MGME1: variants seen among roughly 807,000 people sequenced by gnomAD.
MGME1 encodes chromosome 20 open reading frame 72.
MGME1 carries 22 observed loss-of-function variants against 33.0 expected under a neutral mutation model. That is an observed-to-expected ratio of 0.67 (90% CI 0.48 to 0.95). MGME1 has a LOEUF of 0.95. Ranked by LOEUF, MGME1 falls within the 40% of genes least tolerant of loss-of-function variation. The probability of loss-of-function intolerance (pLI) is 0.00; values close to 1 mark genes in which losing one functional copy is unlikely to be tolerated. For synonymous variants in MGME1, 133 were observed against 144.0 expected, an observed-to-expected ratio of 0.92 and a Z score of 0.55; for missense variants, 383 against 397.8, an observed-to-expected ratio of 0.96 and a Z score of 0.32.
At position 17,975,713 on chromosome 20, in the gene MGME1, G is replaced by C. The variant is rs756234546; in HGVS notation, c.541G>C (p.Glu181Gln). The C allele has an allele frequency of 1.2e-6, 2 of 1,613,620 alleles. No individual in the cohort carries two copies. Among genetic ancestry groups the C allele is most frequent in the African/African-American group, 2.7e-5 (2 of 74,840 alleles). ...CTTTTTACAAGGGAAACGGTTCCAC[G>C]AAGCCTTGGAAAGCATACTTTCACC... is the stretch of plus-strand genomic sequence containing the variant. ...NVFLQGKRFH[E>Q]ALESILSPQE... The change falls in exon 3 of 5, where the codon GAA becomes CAA. Residue 181 changes from glutamate (E) to glutamine (Q), a missense_variant. Coordinates refer to ENST00000377710, the MANE Select transcript of MGME1 (RefSeq NM_052865.4).
chr20:17,989,067 C>G (rs1405034949), intron 4 of MGME1, among the ~76,000 whole-genome samples: 1 of 151,638 alleles, frequency 6.6e-6, no homozygotes, highest in Admixed American at 6.6e-5. Context: ...CTAGCCTGGC[C>G]GACAGAGCAA....
Position 17,990,146 on chromosome 20 carries a change from T to C in MGME1, c.*37T>C. ...CTATTTGGGAACATTCAGCACCTTCTCACAGTTTGGGAACATATATTGCTG... is the reference window on the plus strand; with the variant it reads ...CTATTTGGGAACATTCAGCACCTTCCCACAGTTTGGGAACATATATTGCTG... On this transcript the variant is annotated 3_prime_UTR_variant, in exon 5 of 5. Coordinates refer to ENST00000377710, the MANE Select transcript of MGME1 (RefSeq NM_052865.4). 1 of 1,593,692 alleles carries C rather than the reference T, an allele frequency of 6.3e-7. No individual in the cohort carries two copies. The highest frequency in any genetic ancestry group is 2.2e-5 in the East Asian group (1 of 44,766).
intron 3 of MGME1, among the ~76,000 whole-genome samples, chr20:17,978,198 T>C (rs2035916604): frequency 6.6e-6 from 1 of 152,134 alleles, no homozygotes; most frequent in Non-Finnish European, 1.5e-5. Context: ...ACCTAATGGT[T>C]TTATTTTTTA....
chr20:17,983,867 TG>T (rs2036092937), intron 3 of MGME1, among the ~76,000 whole-genome samples: 2 of 152,338 alleles, frequency 1.3e-5, no homozygotes, highest in South Asian at 4.1e-4. Flanking sequence ...ATAGGTGGTT[TG>T]CAAATATTTT....
intron 3 of MGME1, among the ~76,000 whole-genome samples, chr20:17,979,339 A>G (rs911412520): frequency 6.6e-6 from 1 of 152,092 alleles, no homozygotes; most frequent in African/African-American, 2.4e-5. Context: ...TCCGTCTCCC[A>G]AAGTGCTGGG....
At chr20:17,984,279 A>G (rs1336040430) in intron 3 of MGME1, among the ~76,000 whole-genome samples, 2 of 152,100 alleles carry the variant, frequency 1.3e-5, no homozygotes, top group South Asian at 2.1e-4. Flanking sequence ...CTTTTATGCT[A>G]TTATCATGCT....
chr20:17,977,309 G>A (rs1372186446), intron 3 of MGME1, among the ~76,000 whole-genome samples: 25 of 151,724 alleles, frequency 1.6e-4, no homozygotes, highest in Non-Finnish European at 2.9e-5. Flanking sequence ...CCGGGAGGCA[G>A]AAGTTGCAGT....
In MGME1 at chr20:17,990,422, G is replaced by GGC; in HGVS notation, c.*315_*316dup. Reference sequence around the variant, plus strand: ...CCTTGAGGGACATTGGGGGGGGGGGGGCGTGGTCCCAGGCAGGATGCCCAG... The same window carrying GGC: ...CCTTGAGGGACATTGGGGGGGGGGGGGCGCGTGGTCCCAGGCAGGATGCCCAG... On this transcript the variant is annotated 3_prime_UTR_variant, in exon 5 of 5. Coordinates refer to ENST00000377710, the MANE Select transcript of MGME1 (RefSeq NM_052865.4). 3.3e-6 allele frequency: 1 copy of GGC among 302,112 alleles called. No homozygotes were observed. The highest frequency in any genetic ancestry group is 3.7e-5 in the South Asian group (1 of 26,752). The allele number at this position is 302,112 out of a possible 1,614,324, so 18.7% of individuals were successfully genotyped here.
chr20:17,977,253 A>G (rs1023657390), intron 3 of MGME1, among the ~76,000 whole-genome samples: 2 of 151,888 alleles, frequency 1.3e-5, no homozygotes, highest in African/African-American at 4.8e-5. Flanking sequence ...GTGTGTGCCT[A>G]TAGTCCCAGC....
rs554734739 is a variant in MGME1 at position 17,975,761 on chromosome 20, G to A, written c.589G>A (p.Asp197Asn). The change falls in exon 3 of 5, where the codon GAT becomes AAT. Residue 197 changes from aspartate to asparagine, a missense_variant. Transcript: ENST00000377710. ...ACCCCAGGAAACCTTAAAAGAGAGA[G>A]ATGAAAATCTCCTCAAGTCTGGTTA... ...LSPQETLKER[D>N]ENLLKSGYIE... 3.1e-6 allele frequency: 5 copies of A among 1,614,094 alleles called. No individual in the cohort carries two copies. In the East Asian group the frequency reaches 6.7e-5, roughly 22 times the overall value.
intron 3 of MGME1, among the ~76,000 whole-genome samples, chr20:17,985,778 C>T (rs2036140207): frequency 6.6e-6 from 1 of 152,232 alleles, no homozygotes; most frequent in Non-Finnish European, 1.5e-5. Context: ...CAGTAACATG[C>T]TGTACAGGTT....
Position 17,969,969 on chromosome 20 carries a change from G to C in MGME1, c.110G>C (p.Arg37Pro). ...TCTACTTCCTCTTACTCATGTGGCC[G>C]GAAGAAAAAAGTGAACCCATATGAA... is the stretch of plus-strand genomic sequence containing the variant. Reference protein sequence around the residue: ...AFSTSSYSCGRKKKVNPYEEV... With the variant: ...AFSTSSYSCGPKKKVNPYEEV... Residue 37 changes from arginine to proline, a missense_variant, in exon 2 of 5, where the codon CGG becomes CCG. Arg to Pro is a moderately radical substitution (Grantham distance 103). Transcript: ENST00000377710. The C allele has an allele frequency of 6.2e-7, 1 of 1,614,060 alleles. No homozygotes were observed. Among genetic ancestry groups the C allele is most frequent in the Non-Finnish European group, 8.5e-7 (1 of 1,180,004 alleles).
At chr20:17,980,013 G>A (rs960823570) in intron 3 of MGME1, among the ~76,000 whole-genome samples, 4 of 152,010 alleles carry the variant, frequency 2.6e-5, no homozygotes, top group Non-Finnish European at 1.5e-5. Flanking sequence ...TTACAAACGT[G>A]AGCCCCTATG....
In MGME1 at chr20:17,981,675, G is replaced by C. The variant is rs73599783; in HGVS notation, c.731+5772G>C. Among the ~76,000 whole-genome samples the C allele has an allele frequency of 8.5e-3, 1,275 of 150,692 alleles. 35 individuals carry two copies. The East Asian group carries it at 0.1, about 12-fold the overall frequency. ...TGTGTGTGTGTGTGTGTGTGTGTGT[G>C]TGTGTGTGTGTCAGAGTCTCGCTCT... On this transcript the variant is annotated intron_variant, in intron 3 of 4. Coordinates refer to ENST00000377710, the MANE Select transcript of MGME1 (RefSeq NM_052865.4).
chr20:17,985,439 G>A (rs1233522019), intron 3 of MGME1, among the ~76,000 whole-genome samples: 1 of 151,988 alleles, frequency 6.6e-6, no homozygotes, highest in Non-Finnish European at 1.5e-5. Context: ...AATTAAAGAA[G>A]TTTATACAGT....
At position 17,969,824 on chromosome 20, in the gene MGME1, A is replaced by C; in HGVS notation, c.-36A>C. 1 of 1,559,320 alleles carries C rather than the reference A, an allele frequency of 6.4e-7. No individual in the cohort carries two copies. Among genetic ancestry groups the C allele is most frequent in the Non-Finnish European group, 8.6e-7 (1 of 1,157,954 alleles). On this transcript the variant is annotated 5_prime_UTR_variant, in exon 2 of 5. Transcript: ENST00000377710. ...AGGAATACAAACATAAAGGCCTTCG[A>C]CCGTTGCAAATAGACTAAAGTGAAA...
At chr20:17,987,344 T>C (rs1408694282) in intron 3 of MGME1, among the ~76,000 whole-genome samples, 2 of 152,162 alleles carry the variant, frequency 1.3e-5, no homozygotes, top group Admixed American at 6.6e-5. Flanking sequence ...CCTATAGCTA[T>C]TGAGCATTTG....
chr20:17,985,340 T>C (rs972955535), intron 3 of MGME1, among the ~76,000 whole-genome samples: 4 of 152,172 alleles, frequency 2.6e-5, no homozygotes, highest in Admixed American at 1.3e-4. Context: ...GGAGAATCGC[T>C]TGAACCTGGG....
chr20:17,975,742 G>C lies in MGME1; in HGVS notation c.570G>C (p.Gln190His). The change falls in exon 3 of 5, where the codon CAG becomes CAC. Residue 190 changes from glutamine to histidine, a missense_variant. Transcript: ENST00000377710. ...CCTTGGAAAGCATACTTTCACCCCA[G>C]GAAACCTTAAAAGAGAGAGATGAAA... is the stretch of plus-strand genomic sequence containing the variant. Reference protein sequence around the residue: ...HEALESILSPQETLKERDENL... With the variant: ...HEALESILSPHETLKERDENL... 1 of 1,614,054 alleles carries C rather than the reference G, an allele frequency of 6.2e-7. No homozygotes were observed. Among genetic ancestry groups the C allele is most frequent in the South Asian group, 1.1e-5 (1 of 91,076 alleles).
Sources: gnomAD v4.1 joint callset for allele counts (sites outside exome capture counted in the v4.1 genomes callset) on GRCh38, gnomAD v4.1.1 for gene constraint, MANE v1.5 for transcripts, NCBI Gene and HGNC (gene_info 2026-07-23, HGNC 2026-07-21) for gene names.